Variants in STPG2 observed in about 807,000 individuals in gnomAD.
STPG2 encodes sperm-tail PG-rich repeat-containing protein 2.
Under a neutral mutation model 54.2 loss-of-function variants are expected in STPG2, and 56 were observed. The ratio of observed to expected loss-of-function variants is 1.03; its 90% CI spans 0.83 to 1.29. STPG2 has a LOEUF of 1.29. STPG2 is among the 50% of genes most tolerant of loss of function. The pLI is 0.00. For missense variants in STPG2, 596 were observed against 544.9 expected (o/e 1.09, Z -0.93); for synonymous variants, 200 against 181.8 (o/e 1.10, Z -0.81).
intron 9 of STPG2, among the ~76,000 whole-genome samples, chr4:97,731,469 G>GGGTTGGGAAGCCTAGAGAGGAA (rs1724793640): frequency 6.6e-6 from 1 of 152,136 alleles, no homozygotes; most frequent in Non-Finnish European, 1.5e-5. Flanking sequence ...TCCTGGGTGA[G>GGGTTGGGAAGCCTAGAGAGGAA]GGTTGGGAAG....
chr4:97,553,529 G>A (rs976626240), intron 4 of STPG2, among the ~76,000 whole-genome samples: 7 of 152,128 alleles, frequency 4.6e-5, no homozygotes, highest in Non-Finnish European at 1.0e-4. Flanking sequence ...TCATTTATGA[G>A]TCTCCTTTTC....
At chr4:97,613,899 G>T (rs976235269) in intron 10 of STPG2, among the ~76,000 whole-genome samples, 9 of 151,932 alleles carry the variant, frequency 5.9e-5, no homozygotes, top group Middle Eastern at 3.4e-3. Flanking sequence ...TTCCCAATGA[G>T]CTCTGGCTTA....
intron 9 of STPG2, 103 bp downstream of exon 9, chr4:97,840,670 T>C: frequency 7.5e-7 from 1 of 1,338,524 alleles, no homozygotes; most frequent in East Asian, 2.3e-5. Flanking sequence ...ATTATTTTGC[T>C]TAACTTTTCA....
At chr4:97,497,580 T>A (rs1026061721) in intron 4 of STPG2, among the ~76,000 whole-genome samples, 1 of 151,848 alleles carries the variant, frequency 6.6e-6, no homozygotes, top group Non-Finnish European at 1.5e-5. Context: ...TTTCATTTTG[T>A]TAGCTAAAAT....
intron 10 of STPG2, among the ~76,000 whole-genome samples, chr4:97,696,745 TATACAA>T (rs1723589262): frequency 6.6e-6 from 1 of 152,074 alleles, no homozygotes; most frequent in Non-Finnish European, 1.5e-5. Flanking sequence ...CAAGAGAAGA[TATACAA>T]ATACAAATAG....
intron 7 of STPG2, among the ~76,000 whole-genome samples, chr4:97,969,999 T>C (rs145122039): frequency 2.8e-3 from 423 of 152,292 alleles, no homozygotes; most frequent in African/African-American, 9.7e-3. Context: ...ATCACAAGCA[T>C]TCTTATACAC....
chr4:97,925,061 TCAAC>T (rs1479007096), intron 8 of STPG2, among the ~76,000 whole-genome samples: 1 of 152,230 alleles, frequency 6.6e-6, no homozygotes, highest in Non-Finnish European at 1.5e-5. Flanking sequence ...GAAAATGTTA[TCAAC>T]CAAAGAGTAA....
At chr4:97,747,710 A>T (rs1207020933) in intron 9 of STPG2, among the ~76,000 whole-genome samples, 5 of 151,426 alleles carry the variant, frequency 3.3e-5, no homozygotes, top group Non-Finnish European at 7.4e-5. Flanking sequence ...TTCTACTTTT[A>T]CTTCAAGACA....
chr4:97,816,033 C>A (rs1482852884), intron 9 of STPG2, among the ~76,000 whole-genome samples: 1 of 152,086 alleles, frequency 6.6e-6, no homozygotes, highest in African/African-American at 2.4e-5. Flanking sequence ...CTCCCCTAGC[C>A]TCCCATCCCC....
In STPG2 at chr4:98,138,193, A is replaced by G. The variant is rs576690380; in HGVS notation, c.110-3734T>C. Among the ~76,000 whole-genome samples the G allele has an allele frequency of 7.2e-5, 11 of 152,206 alleles. 1 individual carries two copies. In the South Asian group the frequency reaches 1.7e-3, roughly 23 times the overall value. On this transcript the variant is annotated intron_variant, in intron 1 of 10. Transcript: ENST00000295268. ...AGTAGTGGGTAAGCCTGACAAATAG[A>G]CAATTATGCTACAAAAATCACTGCC...
At chr4:98,098,330 G>A (rs1738922295) in intron 5 of STPG2, among the ~76,000 whole-genome samples, 1 of 151,930 alleles carries the variant, frequency 6.6e-6, no homozygotes, top group Non-Finnish European at 1.5e-5. Flanking sequence ...CACCTATAGT[G>A]AACTCATTTT....
intron 5 of STPG2, among the ~76,000 whole-genome samples, chr4:98,072,770 C>G (rs1461469335): frequency 6.6e-6 from 1 of 152,096 alleles, no homozygotes; most frequent in Non-Finnish European, 1.5e-5. Context: ...ATTAAACTGT[C>G]TAAATCCATT....
intron 10 of STPG2, among the ~76,000 whole-genome samples, chr4:97,574,815 GT>G (rs1560668385): frequency 6.6e-6 from 1 of 152,008 alleles, no homozygotes; most frequent in East Asian, 1.9e-4. Flanking sequence ...TTGGGATAGT[GT>G]TTTTTGCATC....
chr4:98,049,397 C>T (rs999709173), intron 5 of STPG2, among the ~76,000 whole-genome samples: 3 of 152,094 alleles, frequency 2.0e-5, no homozygotes, highest in Non-Finnish European at 2.9e-5. Flanking sequence ...TTTTATTATA[C>T]CAGAAAGCAA....
chr4:97,635,014 G>A (rs573498239), intron 10 of STPG2, among the ~76,000 whole-genome samples: 5 of 152,132 alleles, frequency 3.3e-5, no homozygotes, highest in African/African-American at 1.2e-4. Flanking sequence ...TCCTCCAGAA[G>A]AGCAACTCCA....
chr4:98,119,178 G>A (rs1490921370), intron 3 of STPG2, among the ~76,000 whole-genome samples: 1 of 151,962 alleles, frequency 6.6e-6, no homozygotes, highest in Non-Finnish European at 1.5e-5. Context: ...CACTTTACAT[G>A]AGTTAAAACT....
intron 10 of STPG2, among the ~76,000 whole-genome samples, chr4:97,690,767 A>C (rs1723338710): frequency 6.6e-6 from 1 of 152,224 alleles, no homozygotes; most frequent in Non-Finnish European, 1.5e-5. Context: ...GCTAAGAAAG[A>C]AAGCTGCATT....
At chr4:98,005,731 T>C (rs778566095) in intron 5 of STPG2, among the ~76,000 whole-genome samples, 6 of 152,200 alleles carry the variant, frequency 3.9e-5, no homozygotes, top group Non-Finnish European at 1.5e-5. Flanking sequence ...ACTTGTTCAT[T>C]GTGAATAATT....
intron 9 of STPG2, among the ~76,000 whole-genome samples, chr4:97,774,226 T>G (rs1365217468): frequency 1.3e-5 from 2 of 152,198 alleles, no homozygotes; most frequent in African/African-American, 2.4e-5. Context: ...ACTTCAGTTC[T>G]CTTTATATTA....
Sources: gnomAD v4.1 joint callset for allele counts (sites outside exome capture counted in the v4.1 genomes callset) on GRCh38, gnomAD v4.1.1 for gene constraint, MANE v1.5 for transcripts, NCBI Gene and HGNC (gene_info 2026-07-23, HGNC 2026-07-21) for gene names.